ATXN8OS: variants seen among roughly 807,000 people sequenced by gnomAD.
The protein encoded by ATXN8OS is ATXN8 opposite strand (non-protein coding).
At position 70,158,755 on chromosome 13, in the gene ATXN8OS, T is replaced by C. The variant is rs185918756; in HGVS notation, n.574-10998T>C. ...TTATTTATGGGCACTGGATTTTGAA[T>C]ATCATATACTTTTCATATATCATGC... On this transcript the variant is annotated intron_variant and non_coding_transcript_variant, in intron 4 of 4. Transcript: ENST00000678624. Among the ~76,000 whole-genome samples the C allele has an allele frequency of 3.2e-4, 48 of 152,316 alleles. No individual in the cohort carries two copies. In the East Asian group the frequency reaches 5.2e-3, roughly 17 times the overall value.
At chr13:70,121,627 A>G (rs192775543) in intron 2 of ATXN8OS, among the ~76,000 whole-genome samples, 1 of 152,258 alleles carries the variant, frequency 6.6e-6, no homozygotes, top group Admixed American at 6.5e-5. Context: ...ATTCATACAG[A>G]TGAGCTCTCT....
intron 4 of ATXN8OS, among the ~76,000 whole-genome samples, chr13:70,149,625 TTAAA>T (rs1204093383): frequency 6.6e-6 from 1 of 152,156 alleles, no homozygotes; most frequent in Admixed American, 6.6e-5. Flanking sequence ...AGACATTTAC[TTAAA>T]TATTTACTGA....
chr13:70,133,422 T>C (rs1038315776), intron 3 of ATXN8OS, among the ~76,000 whole-genome samples: 1 of 152,118 alleles, frequency 6.6e-6, no homozygotes, highest in Admixed American at 6.6e-5. Context: ...TAAAGGAATA[T>C]GTACTGTAAT....
At chr13:70,107,496 G>C, upstream of ATXN8OS, 1 of 1,611,038 alleles carries the variant, frequency 6.2e-7, no homozygotes, top group Non-Finnish European at 8.5e-7. Context: ...GCTTCTTCCA[G>C]AAAGTGCTCA....
chr13:70,157,769 C>G (rs1034665659), intron 4 of ATXN8OS, among the ~76,000 whole-genome samples: 6 of 152,148 alleles, frequency 3.9e-5, no homozygotes, highest in African/African-American at 1.4e-4. Flanking sequence ...AGTTCCCTGA[C>G]TCCAACTGGC....
chr13:70,125,058 A>C (rs931289172), intron 2 of ATXN8OS, among the ~76,000 whole-genome samples: 10 of 151,966 alleles, frequency 6.6e-5, no homozygotes, highest in Admixed American at 2.0e-4. Context: ...CTCCTCTTCG[A>C]ATATCAATTA....
intron 4 of ATXN8OS, among the ~76,000 whole-genome samples, chr13:70,152,529 T>G (rs1414877875): frequency 6.6e-6 from 1 of 151,992 alleles, no homozygotes; most frequent in African/African-American, 2.4e-5. Flanking sequence ...TTGAAGTTAT[T>G]TGGGTCTCCC....
chr13:70,117,921 G>A (rs1232635150), intron 2 of ATXN8OS, among the ~76,000 whole-genome samples: 2 of 152,060 alleles, frequency 1.3e-5, no homozygotes, highest in African/African-American at 4.8e-5. Flanking sequence ...AAGGCATTTT[G>A]TAAAATATCC....
intron 2 of ATXN8OS, among the ~76,000 whole-genome samples, chr13:70,116,615 A>C (rs1004790053): frequency 6.6e-6 from 1 of 152,140 alleles, no homozygotes; most frequent in Non-Finnish European, 1.5e-5. Context: ...GTGCACAAAT[A>C]TTAGTTTTTA....
chr13:70,156,899 G>A (rs1459286795), intron 4 of ATXN8OS, among the ~76,000 whole-genome samples: 1 of 152,090 alleles, frequency 6.6e-6, no homozygotes, highest in South Asian at 2.1e-4. Context: ...ATGGAAGACA[G>A]GAAATCAGCT....
At chr13:70,155,772 A>ATT (rs34936703) in intron 4 of ATXN8OS, among the ~76,000 whole-genome samples, 3,390 of 143,302 alleles carry the variant, frequency 0.024, 140 homozygotes, top group African/African-American at 0.08. Flanking sequence ...ACAATATTCC[A>ATT]TTTTTTTTTT....
intron 4 of ATXN8OS, among the ~76,000 whole-genome samples, chr13:70,168,389 G>A (rs2137509162): frequency 6.6e-6 from 1 of 152,018 alleles, no homozygotes; most frequent in Non-Finnish European, 1.5e-5. Flanking sequence ...CTCTCTTCTA[G>A]CTATTTTGAA....
chr13:70,146,066 G>A (rs1223480631), intron 3 of ATXN8OS, among the ~76,000 whole-genome samples: 187 of 117,318 alleles, frequency 1.6e-3, no homozygotes, highest in Non-Finnish European at 2.8e-3. Context: ...AAATTTACAA[G>A]AAAAAAAAAA....
chr13:70,131,976 AC>A (rs2137483934), intron 3 of ATXN8OS, among the ~76,000 whole-genome samples: 1 of 152,320 alleles, frequency 6.6e-6, no homozygotes, highest in African/African-American at 2.4e-5. Flanking sequence ...CATGGCACAT[AC>A]CTATATGTGT....
chr13:70,127,894 T>C (rs1888466605), intron 2 of ATXN8OS, among the ~76,000 whole-genome samples: 1 of 152,086 alleles, frequency 6.6e-6, no homozygotes, highest in South Asian at 2.1e-4. Context: ...TAGATAGAAT[T>C]CATGATTTAA....
chr13:70,119,699 G>C (rs1029416365), intron 2 of ATXN8OS, among the ~76,000 whole-genome samples: 20 of 152,178 alleles, frequency 1.3e-4, no homozygotes, highest in Middle Eastern at 3.4e-3. Flanking sequence ...ATGACCTGAT[G>C]ACATAAGTGA....
At position 70,124,711 on chromosome 13, in the gene ATXN8OS, G is replaced by C. The variant is rs528250425; in HGVS notation, n.399-5073G>C. 1.1e-4 allele frequency among the ~76,000 whole-genome samples: 16 copies of C among 151,884 alleles called. No individual in the cohort carries two copies. In the South Asian group the frequency reaches 3.1e-3, roughly 30 times the overall value. On this transcript the variant is annotated intron_variant and non_coding_transcript_variant, in intron 2 of 4. Coordinates refer to ENST00000678624, the Ensembl canonical transcript of ATXN8OS. The stretch of plus-strand genomic sequence containing the variant: ...TATTGTTTTTTTTCCCCGGAAATCT[G>C]GTTTTCCCCAAGCCTCGCCAATCAA...
chr13:70,137,958 T>C (rs1888640573), intron 3 of ATXN8OS, among the ~76,000 whole-genome samples: 1 of 152,150 alleles, frequency 6.6e-6, no homozygotes, highest in African/African-American at 2.4e-5. Context: ...TTTACCATGG[T>C]GGAGCAGGGG....
At position 70,160,809 on chromosome 13, in the gene ATXN8OS, A is replaced by G. The variant is rs1405453333; in HGVS notation, n.574-8944A>G. ...ATTTATTTATAAATATATTTATTAT[A>G]AATATATATAAATATATATTTATAT... On this transcript the variant is annotated intron_variant and non_coding_transcript_variant, in intron 4 of 4. Transcript: ENST00000678624. 3.5e-5 allele frequency among the ~76,000 whole-genome samples: 3 copies of G among 86,298 alleles called. 1 individual carries two copies. The highest frequency in any genetic ancestry group is 9.1e-5 in the Non-Finnish European group (3 of 33,074). The allele number at this position is 86,298 out of a possible 152,430, so 56.6% of individuals were successfully genotyped here.
Sources: gnomAD v4.1 joint callset for allele counts (sites outside exome capture counted in the v4.1 genomes callset) on GRCh38, gnomAD v4.1.1 for gene constraint, MANE v1.5 for transcripts, NCBI Gene and HGNC (gene_info 2026-07-23, HGNC 2026-07-21) for gene names.